The following ZNF407 variants were observed in gnomAD, a reference collection of about 807,000 sequenced individuals.
ZNF407 encodes the protein zinc finger protein 407.
Under a neutral mutation model 131.2 loss-of-function variants are expected in ZNF407, and 17 were observed. The observed-to-expected ratio is 0.13, with a 90% CI of 0.09 to 0.19. The LOEUF (loss-of-function observed/expected upper bound fraction) is 0.19. Among genes scored for constraint, ZNF407 ranks in the 10% least tolerant of loss-of-function variants. The pLI, the probability that ZNF407 is intolerant of heterozygous loss-of-function variation, is 1.00. For missense variants in ZNF407, 2,681 were observed against 2,830.6 expected (o/e 0.95, Z 1.20); for synonymous variants, 1,156 against 1,062.0 (o/e 1.09, Z -1.72).
Position 74,615,377 on chromosome 18 carries a change from C to T in ZNF407, c.-53-15590C>T, listed in dbSNP as rs371154127. 3.7e-4 allele frequency among the ~76,000 whole-genome samples: 56 copies of T among 152,232 alleles called. 2 individuals are homozygous for T. The South Asian group carries it at 8.5e-3, about 23-fold the overall frequency. On this transcript the variant is annotated intron_variant, in intron 1 of 8. Coordinates refer to ENST00000299687, the MANE Select transcript of ZNF407 (RefSeq NM_017757.3). Reference sequence around the variant, plus strand: ...AAAATTAGCTGCTTGTGGTGGCGCACGCCTGTAGTCCCAGCTACTCGGGAG... The same window carrying T: ...AAAATTAGCTGCTTGTGGTGGCGCATGCCTGTAGTCCCAGCTACTCGGGAG...
At chr18:74,699,387 T>G (rs1967438797) in intron 3 of ZNF407, among the ~76,000 whole-genome samples, 1 of 152,144 alleles carries the variant, frequency 6.6e-6, no homozygotes, top group Admixed American at 6.5e-5. Context: ...ACCCAGAATT[T>G]AGGGGAGTGC....
intron 8 of ZNF407, among the ~76,000 whole-genome samples, chr18:74,990,737 G>A (rs560771881): frequency 2.6e-5 from 4 of 152,300 alleles, no homozygotes; most frequent in African/African-American, 7.2e-5. Context: ...CTTGACTTTG[G>A]CATCCAGTCT....
At chr18:74,741,724 A>G (rs1482704350) in intron 3 of ZNF407, among the ~76,000 whole-genome samples, 1 of 152,138 alleles carries the variant, frequency 6.6e-6, no homozygotes, top group African/African-American at 2.4e-5. Context: ...TCAGATATAC[A>G]TACCTAAGCT....
chr18:74,616,779 T>C (rs1247434186), intron 1 of ZNF407, among the ~76,000 whole-genome samples: 12 of 137,016 alleles, frequency 8.8e-5, no homozygotes, highest in East Asian at 2.2e-4. Context: ...ACCACACACA[T>C]CCATATCCAC....
At chr18:74,743,346 ATCTTG>A (rs1288794222) in intron 3 of ZNF407, among the ~76,000 whole-genome samples, 15 of 152,100 alleles carry the variant, frequency 9.9e-5, no homozygotes, top group African/African-American at 3.1e-4. Context: ...GTCAGGATTT[ATCTTG>A]TCTTGTCAGA....
At chr18:75,038,584 TG>T (rs1327706849) in intron 8 of ZNF407, among the ~76,000 whole-genome samples, 1 of 152,042 alleles carries the variant, frequency 6.6e-6, no homozygotes, top group Non-Finnish European at 1.5e-5. Context: ...AACGAAAAGG[TG>T]ATACTGTGTA....
rs553527178 is a variant in ZNF407 at position 74,676,812 on chromosome 18, G to T, written c.4802+35690G>T. Among the ~76,000 whole-genome samples, 19 of 152,288 alleles carry T rather than the reference G, an allele frequency of 1.2e-4. No homozygotes were observed. The South Asian group carries it at 3.9e-3, about 32-fold the overall frequency. Reference sequence around the variant, plus strand: ...ACTGACACTCTTGTGAGGGCTTATAGCGTAATCTGAAAGATTATCAGTTTA... The same window carrying T: ...ACTGACACTCTTGTGAGGGCTTATATCGTAATCTGAAAGATTATCAGTTTA... On this transcript the variant is annotated intron_variant, in intron 3 of 8. Coordinates refer to ENST00000299687, the MANE Select transcript of ZNF407 (RefSeq NM_017757.3).
intron 3 of ZNF407, among the ~76,000 whole-genome samples, chr18:74,662,373 A>G (rs1300408830): frequency 6.6e-6 from 1 of 152,236 alleles, no homozygotes; most frequent in Non-Finnish European, 1.5e-5. Context: ...TTATCATTAT[A>G]CTATCACTTA....
chr18:74,680,386 G>A (rs2144775598), intron 3 of ZNF407, among the ~76,000 whole-genome samples: 1 of 139,718 alleles, frequency 7.2e-6, no homozygotes, highest in South Asian at 2.5e-4. Context: ...TCCAGCCTGG[G>A]TGAGACCTTG....
In ZNF407 at chr18:74,635,400, C is replaced by G; in HGVS notation, c.4381C>G (p.Gln1461Glu). 6.2e-7 allele frequency: 1 copy of G among 1,613,874 alleles called. No individual in the cohort carries two copies. The highest frequency in any genetic ancestry group is 8.5e-7 in the Non-Finnish European group (1 of 1,179,814). ...KSFYTESNLHQHLASAGHMRN... is the reference protein window; with the variant it reads ...KSFYTESNLHEHLASAGHMRN... ...GTTCTATACCGAAAGCAACCTTCACCAGCATCTGGCTAGTGCCGGCCACAT... is the reference window on the plus strand; with the variant it reads ...GTTCTATACCGAAAGCAACCTTCACGAGCATCTGGCTAGTGCCGGCCACAT... The change falls in exon 2 of 9, where the codon CAG (glutamine) becomes GAG (glutamate). Residue 1461 changes from glutamine (Q) to glutamate (E), a missense_variant. Physicochemically the swap from Gln to Glu is conservative, Grantham distance 29. Transcript: ENST00000299687. This position sits in a 1 kb window ranked among gnomAD's most constrained non-coding sequence, Gnocchi z 4.7.
chr18:74,924,335 A>G (rs1971885017), intron 8 of ZNF407, among the ~76,000 whole-genome samples: 1 of 152,098 alleles, frequency 6.6e-6, no homozygotes, highest in South Asian at 2.1e-4. Context: ...CTTAAAAAAA[A>G]AAACACCTTT....
At chr18:75,001,392 A>G (rs370289285) in intron 8 of ZNF407, among the ~76,000 whole-genome samples, 114 of 152,336 alleles carry the variant, frequency 7.5e-4, no homozygotes, top group African/African-American at 2.7e-3. Flanking sequence ...AACGATATCT[A>G]TTAGGGGGAG....
At chr18:74,906,570 A>G (rs1355849409) in intron 7 of ZNF407, among the ~76,000 whole-genome samples, 1 of 152,250 alleles carries the variant, frequency 6.6e-6, no homozygotes, top group Non-Finnish European at 1.5e-5. Context: ...ACACTGAGCA[A>G]AACAAAAGTT....
rs372327010 is a variant in ZNF407 at position 74,889,964 on chromosome 18, T to G, written c.5175T>G (p.Thr1725=). Reference sequence around the variant, plus strand: ...ATGAGTGTAACTTTGCCTCCACAACTCAGTCCCATTTGACTCGGCATAAAC... The same window carrying G: ...ATGAGTGTAACTTTGCCTCCACAACGCAGTCCCATTTGACTCGGCATAAAC... ...KCDECNFAST[T]QSHLTRHKRV... Residue 1725 remains threonine, a synonymous_variant, in exon 7 of 9, where the codon ACT becomes ACG. Coordinates refer to ENST00000299687, the MANE Select transcript of ZNF407 (RefSeq NM_017757.3). 119 of 1,609,866 alleles carry G rather than the reference T, an allele frequency of 7.4e-5. 1 individual carries two copies. In the African/African-American group the frequency reaches 1.4e-3, roughly 19 times the overall value.
At chr18:74,985,747 A>AT (rs1443136482) in intron 8 of ZNF407, among the ~76,000 whole-genome samples, 1 of 152,138 alleles carries the variant, frequency 6.6e-6, no homozygotes, top group Non-Finnish European at 1.5e-5. Context: ...GCTTTGGGCC[A>AT]TTGAACAGCC....
At chr18:74,836,202 G>A (rs1970557613) in intron 4 of ZNF407, among the ~76,000 whole-genome samples, 1 of 152,192 alleles carries the variant, frequency 6.6e-6, no homozygotes, top group Non-Finnish European at 1.5e-5. Flanking sequence ...TCAGGAGCCT[G>A]TAACTCAAAG....
At chr18:74,653,201 A>G (rs1246305043) in intron 3 of ZNF407, among the ~76,000 whole-genome samples, 2 of 151,874 alleles carry the variant, frequency 1.3e-5, no homozygotes, top group Non-Finnish European at 3.0e-5. Flanking sequence ...ATGGTTTTCC[A>G]ATCAAAATAT....
intron 3 of ZNF407, among the ~76,000 whole-genome samples, chr18:74,672,118 T>C (rs890853758): frequency 6.6e-6 from 1 of 152,138 alleles, no homozygotes; most frequent in Non-Finnish European, 1.5e-5. Flanking sequence ...TTTAGCTCTT[T>C]GAGGAATTGC....
chr18:74,916,731 A>ATG (rs1295128843), intron 7 of ZNF407, among the ~76,000 whole-genome samples: 2 of 119,360 alleles, frequency 1.7e-5, no homozygotes, highest in Non-Finnish European at 3.3e-5. Flanking sequence ...GTGTGTGTGC[A>ATG]TGTGTGTGCT....
Sources: gnomAD v4.1 joint callset for allele counts (sites outside exome capture counted in the v4.1 genomes callset) on GRCh38, gnomAD v4.1.1 for gene constraint, Gnocchi (gnomAD v3.1) non-coding constraint, MANE v1.5 for transcripts, NCBI Gene and HGNC (gene_info 2026-07-23, HGNC 2026-07-21) for gene names.